The following CPVL variants were observed in gnomAD, a reference collection of about 807,000 sequenced individuals.
CPVL encodes probable serine carboxypeptidase CPVL.
CPVL carries 51 observed loss-of-function variants against 63.7 expected under a neutral mutation model. The observed-to-expected ratio is 0.80, with a 90% CI of 0.64 to 1.01. The LOEUF (loss-of-function observed/expected upper bound fraction) is 1.01, where lower values mean the gene tolerates loss of function less well. CPVL is among the 50% of genes least tolerant of loss of function. The probability of loss-of-function intolerance (pLI) is 0.00; values close to 1 mark genes in which losing one functional copy is unlikely to be tolerated. For synonymous variants in CPVL, 195 were observed against 206.0 expected (o/e 0.95, Z 0.46); for missense variants, 530 against 573.1 (o/e 0.92, Z 0.77).
At chr7:29,046,197 G>A (rs1789594831) in intron 11 of CPVL, among the ~76,000 whole-genome samples, 1 of 149,534 alleles carries the variant, frequency 6.7e-6, no homozygotes, top group Non-Finnish European at 1.5e-5. Context: ...CACTTCTCCT[G>A]CCTCAACCTC....
chr7:29,056,077 A>G (rs1790701127), intron 11 of CPVL, among the ~76,000 whole-genome samples: 1 of 152,186 alleles, frequency 6.6e-6, no homozygotes, highest in South Asian at 2.1e-4. Flanking sequence ...TTGAGTGTAA[A>G]GTACAGAGTT....
At chr7:29,181,401 C>T (rs921610854) in exon 5 of CPVL, 13 of 152,110 alleles carry the variant, frequency 8.5e-5, no homozygotes, top group African/African-American at 2.4e-4. Context: ...GTTCAACTTA[C>T]AGCAATCAAG....
chr7:29,066,216 T>A, intron 9 of CPVL, 95 bp from the exon 10 acceptor site: 1 of 701,512 alleles, frequency 1.4e-6, no homozygotes, highest in Non-Finnish European at 2.5e-6. Context: ...TTCAACAACT[T>A]TTTCATTCCT....
chr7:29,058,080 G>A (rs527748755), intron 11 of CPVL, among the ~76,000 whole-genome samples: 75 of 152,000 alleles, frequency 4.9e-4, no homozygotes, highest in Non-Finnish European at 7.7e-4. Flanking sequence ...ATTTTGATTG[G>A]GATTGTATTG....
intron 5 of CPVL, among the ~76,000 whole-genome samples, chr7:29,176,502 C>T (rs1385523341): frequency 6.6e-6 from 1 of 152,116 alleles, no homozygotes; most frequent in African/African-American, 2.4e-5. Context: ...TAACTGTCAG[C>T]TTGAATCCTA....
chr7:29,076,957 G>A (rs1433930746), intron 7 of CPVL, among the ~76,000 whole-genome samples: 1 of 152,190 alleles, frequency 6.6e-6, no homozygotes, highest in East Asian at 1.9e-4. Context: ...AAAATAGAGA[G>A]AATGCAATGT....
At chr7:29,132,537 C>T (rs192891444) in intron 1 of CPVL, among the ~76,000 whole-genome samples, 9 of 152,212 alleles carry the variant, frequency 5.9e-5, no homozygotes, top group East Asian at 1.9e-4. Context: ...CCACATGAAA[C>T]GGTGCTTTTC....
intron 11 of CPVL, among the ~76,000 whole-genome samples, chr7:29,033,025 T>C (rs909624685): frequency 3.3e-5 from 5 of 152,202 alleles, no homozygotes; most frequent in African/African-American, 9.7e-5. Context: ...AGAGCTGAAT[T>C]GCACAATCTC....
chr7:29,054,968 C>A (rs1353087753), intron 11 of CPVL, among the ~76,000 whole-genome samples: 1 of 152,160 alleles, frequency 6.6e-6, no homozygotes, highest in Non-Finnish European at 1.5e-5. Flanking sequence ...TTCAAATTTG[C>A]CTAGCCATAT....
At chr7:29,083,640 T>A (rs1385720420) in intron 7 of CPVL, among the ~76,000 whole-genome samples, 1 of 152,126 alleles carries the variant, frequency 6.6e-6, no homozygotes, top group Non-Finnish European at 1.5e-5. Flanking sequence ...GCCAAGTACA[T>A]AGATCAGGAA....
chr7:29,173,130 C>CAA (rs56379349), intron 5 of CPVL, among the ~76,000 whole-genome samples: 861 of 80,142 alleles, frequency 0.011, 6 homozygotes, highest in African/African-American at 0.031. Context: ...GACTCTGTAT[C>CAA]AAAAAAAAAA....
At chr7:29,010,449 C>A (rs1785702529) in intron 12 of CPVL, 1 of 152,050 alleles carries the variant, frequency 6.6e-6, no homozygotes, top group Non-Finnish European at 1.5e-5. Flanking sequence ...GGACTCAATG[C>A]TTTAGAAACA....
chr7:29,098,972 G>A (rs562726462), intron 3 of CPVL, among the ~76,000 whole-genome samples: 1 of 152,270 alleles, frequency 6.6e-6, no homozygotes, highest in Admixed American at 6.5e-5. Flanking sequence ...GGCTAAGGCA[G>A]GAGAATCGCT....
intron 5 of CPVL, among the ~76,000 whole-genome samples, chr7:29,173,323 CCTAA>C (rs1261880473): frequency 6.6e-6 from 1 of 151,964 alleles, no homozygotes; most frequent in Non-Finnish European, 1.5e-5. Flanking sequence ...CGAGTGGGGG[CCTAA>C]CTTTCTGCAG....
chr7:29,071,573 C>G (rs926111344), intron 9 of CPVL, among the ~76,000 whole-genome samples, 200 bp downstream of exon 9: 1 of 152,092 alleles, frequency 6.6e-6, no homozygotes, highest in Non-Finnish European at 1.5e-5. Context: ...TAAAATATAG[C>G]CAAAGTAAAT....
chr7:29,047,621 G>A (rs1317919336), intron 11 of CPVL, among the ~76,000 whole-genome samples: 2 of 152,152 alleles, frequency 1.3e-5, no homozygotes, highest in East Asian at 1.9e-4. Flanking sequence ...AGATTTGGGG[G>A]AATAATCGAG....
At chr7:28,999,290 G>A (rs1002800009) in intron 12 of CPVL, among the ~76,000 whole-genome samples, 1 of 152,150 alleles carries the variant, frequency 6.6e-6, no homozygotes, top group African/African-American at 2.4e-5. Context: ...AAAAGAGATC[G>A]TGAGGCATCA....
At chr7:29,081,262 C>T (rs1182283468) in intron 7 of CPVL, 1 of 152,242 alleles carries the variant, frequency 6.6e-6, no homozygotes, top group East Asian at 1.9e-4. Flanking sequence ...GAATTAAACA[C>T]AGCTTATTTC....
At chr7:29,105,872 T>C (rs913871781) in intron 3 of CPVL, among the ~76,000 whole-genome samples, 1 of 152,138 alleles carries the variant, frequency 6.6e-6, no homozygotes, top group Non-Finnish European at 1.5e-5. Context: ...AACAAGGAAA[T>C]GTTAATACCT....
Sources: gnomAD v4.1 joint callset for allele counts (sites outside exome capture counted in the v4.1 genomes callset) on GRCh38, gnomAD v4.1.1 for gene constraint, MANE v1.5 for transcripts, NCBI Gene and HGNC (gene_info 2026-07-23, HGNC 2026-07-21) for gene names.